ELMO1: variants seen among roughly 807,000 people sequenced by gnomAD.
The protein encoded by ELMO1 is engulfment and cell motility 1, also known as engulfment and cell motility protein 1.
In ELMO1, 26 loss-of-function variants were observed where a neutral mutation model predicts 98.9. The observed-to-expected ratio is 0.26, with a 90% CI of 0.19 to 0.36. The LOEUF (loss-of-function observed/expected upper bound fraction) is 0.36, where lower values mean the gene tolerates loss of function less well. Ranked by LOEUF, ELMO1 falls within the 10% of genes least tolerant of loss-of-function variation. The pLI, the probability that ELMO1 is intolerant of heterozygous loss-of-function variation, is 1.00. For synonymous variants in ELMO1, 346 were observed against 346.0 expected (o/e 1.00, Z 0.00); for missense variants, 627 against 935.2 (o/e 0.67, Z 4.30).
rs542775803 is a variant in ELMO1, at chr7:37,155,766, G to A, written c.1087-22532C>T. Among the ~76,000 whole-genome samples, 12 of 152,186 alleles carry A rather than the reference G, an allele frequency of 7.9e-5. No individual in the cohort carries two copies. The South Asian group carries it at 8.3e-4, about 11-fold the overall frequency. ...CACTGTCAATATTAGACAGATCAAC[G>A]AGACAGAAAATTAACACGGATATCC... On this transcript the variant is annotated intron_variant, in intron 13 of 21. Transcript: ENST00000310758.
intron 2 of ELMO1, among the ~76,000 whole-genome samples, chr7:37,318,192 T>C (rs1406580373): frequency 2.0e-5 from 3 of 152,182 alleles, no homozygotes; most frequent in African/African-American, 7.2e-5. Context: ...AACAAATGTG[T>C]TCGCTCAACC....
chr7:37,098,601 A>C (rs1784482275), intron 14 of ELMO1, among the ~76,000 whole-genome samples: 1 of 152,208 alleles, frequency 6.6e-6, no homozygotes, highest in Non-Finnish European at 1.5e-5. Flanking sequence ...GGCCTCCCCA[A>C]AACATATGCA....
In ELMO1 at chr7:37,245,376, G is replaced by A. The variant is rs183368384; in HGVS notation, c.414-985C>T. Among the ~76,000 whole-genome samples, 100 of 152,244 alleles carry A rather than the reference G, an allele frequency of 6.6e-4. 1 individual carries two copies. The highest frequency in any genetic ancestry group is 2.2e-3 in the African/African-American group (91 of 41,532). On this transcript the variant is annotated intron_variant, in intron 6 of 21. Transcript: ENST00000310758. ...ATCCAGAGTAGGGACTGAATACACG[G>A]TTGACAAACGATTTTGCTCTTCAGA... is the stretch of plus-strand genomic sequence containing the variant.
chr7:37,321,703 C>T (rs1369803170), intron 2 of ELMO1, among the ~76,000 whole-genome samples: 6 of 81,380 alleles, frequency 7.4e-5, no homozygotes, highest in African/African-American at 3.4e-4. Flanking sequence ...GGCAACAGAG[C>T]GAGACTCCGT....
At chr7:37,141,379 G>A (rs993231203) in intron 13 of ELMO1, among the ~76,000 whole-genome samples, 1 of 152,124 alleles carries the variant, frequency 6.6e-6, no homozygotes, top group African/African-American at 2.4e-5. Context: ...AAGAATGGGG[G>A]TTGGTGAGGG....
chr7:37,153,530 T>C (rs1021914681), intron 13 of ELMO1, among the ~76,000 whole-genome samples: 1 of 152,190 alleles, frequency 6.6e-6, no homozygotes, highest in African/African-American at 2.4e-5. Context: ...ATCCTTGGGA[T>C]GCTAGCACAG....
intron 16 of ELMO1, among the ~76,000 whole-genome samples, chr7:36,979,575 G>A (rs568589260): frequency 2.0e-5 from 3 of 152,328 alleles, no homozygotes; most frequent in East Asian, 3.9e-4. Context: ...GCTAAAAGGT[G>A]TGGCTCTGCT....
intron 6 of ELMO1, among the ~76,000 whole-genome samples, chr7:37,245,215 C>T (rs1794938100): frequency 6.6e-6 from 1 of 152,168 alleles, no homozygotes; most frequent in Non-Finnish European, 1.5e-5. Flanking sequence ...CTTCCTCAGA[C>T]AGCATAGATG....
chr7:37,317,358 C>T (rs1799240152), intron 2 of ELMO1, among the ~76,000 whole-genome samples: 1 of 152,170 alleles, frequency 6.6e-6, no homozygotes, highest in Non-Finnish European at 1.5e-5. Flanking sequence ...TCGCCTACAA[C>T]TATAAACACA....
intron 15 of ELMO1, among the ~76,000 whole-genome samples, chr7:37,072,575 T>C (rs1283974154): frequency 1.3e-5 from 2 of 152,212 alleles, no homozygotes; most frequent in Non-Finnish European, 2.9e-5. Flanking sequence ...GCTCCTCTAT[T>C]TTAATATCTT....
intron 15 of ELMO1, among the ~76,000 whole-genome samples, chr7:37,022,881 GCATA>G (rs1185093740): frequency 1.3e-5 from 2 of 152,172 alleles, no homozygotes; most frequent in Non-Finnish European, 2.9e-5. Context: ...TCATACAGCA[GCATA>G]CTTACTACAA....
In ELMO1 at chr7:37,154,795, T is replaced by C. The variant is rs137923914; in HGVS notation, c.1087-21561A>G. On this transcript the variant is annotated intron_variant, in intron 13 of 21. Coordinates refer to ENST00000310758, the MANE Select transcript of ELMO1 (RefSeq NM_014800.11). The stretch of plus-strand genomic sequence containing the variant: ...CTAGCAAGGCAGGCCAACATTCAAA[T>C]TCAGGAAATACACAGAATACCACAA... 1.2e-4 allele frequency among the ~76,000 whole-genome samples: 18 copies of C among 152,146 alleles called. No individual in the cohort carries two copies. The East Asian group carries it at 3.5e-3, about 29-fold the overall frequency.
intron 16 of ELMO1, among the ~76,000 whole-genome samples, chr7:36,959,841 T>C (rs192362055): frequency 2.0e-5 from 3 of 152,260 alleles, no homozygotes; most frequent in Admixed American, 2.0e-4. Flanking sequence ...TGACCATGCC[T>C]GCCTAATTTT....
At chr7:37,419,021 A>G (rs1488674948) in intron 1 of ELMO1, among the ~76,000 whole-genome samples, 1 of 152,036 alleles carries the variant, frequency 6.6e-6, no homozygotes, top group African/African-American at 2.4e-5. Context: ...AGACTCCCCC[A>G]TAACCCCACT....
intron 15 of ELMO1, among the ~76,000 whole-genome samples, chr7:37,076,690 A>G (rs1335466105): frequency 1.3e-5 from 2 of 152,238 alleles, no homozygotes; most frequent in Non-Finnish European, 2.9e-5. Context: ...AAAGATCTTG[A>G]GTTCCATTGG....
intron 4 of ELMO1, among the ~76,000 whole-genome samples, chr7:37,292,834 T>C: frequency 1.1e-5 from 1 of 92,210 alleles, no homozygotes; most frequent in African/African-American, 4.1e-5. Context: ...GTCCGGGAGG[T>C]GAGGGGCGCC....
chr7:37,259,365 G>C lies in ELMO1; in HGVS notation c.244-15C>G. The C allele has an allele frequency of 1.2e-6, 2 of 1,610,876 alleles. No homozygotes were observed. The highest frequency in any genetic ancestry group is 1.3e-5 in the African/African-American group (1 of 74,934). On this transcript the variant is annotated splice_polypyrimidine_tract_variant and intron_variant, in intron 5 of 21. Coordinates refer to ENST00000310758, the MANE Select transcript of ELMO1 (RefSeq NM_014800.11). ...GCGTTCTGAGCCTTATGGGGCAAAA[G>C]CAAAGGGAAGAGTGTTGACAAACGA...
intron 16 of ELMO1, among the ~76,000 whole-genome samples, chr7:36,958,993 A>G (rs780058481): frequency 6.6e-6 from 1 of 152,040 alleles, no homozygotes; most frequent in Admixed American, 6.5e-5. Flanking sequence ...CACAGCCAAC[A>G]GTTCCAAGCT....
intron 4 of ELMO1, among the ~76,000 whole-genome samples, chr7:37,310,641 A>T (rs930968667): frequency 6.6e-6 from 1 of 152,156 alleles, no homozygotes; most frequent in African/African-American, 2.4e-5. Flanking sequence ...ATTGTTTTTG[A>T]GGCAGTTACC....
Sources: allele counts gnomAD v4.1 joint callset (sites outside exome capture counted in the v4.1 genomes callset), GRCh38; gene constraint gnomAD v4.1.1; transcripts MANE v1.5; gene names NCBI Gene and HGNC (gene_info 2026-07-23, HGNC 2026-07-21).